MAF: variants seen among roughly 807,000 people sequenced by gnomAD.
The protein encoded by MAF is MAF bZIP transcription factor.
A neutral mutation model predicts 22.0 loss-of-function variants in MAF; 10 were observed. The ratio of observed to expected loss-of-function variants is 0.45; its 90% confidence interval spans 0.28 to 0.77. MAF has a LOEUF of 0.77. Among genes scored for constraint, MAF ranks in the 30% least tolerant of loss-of-function variants. The probability of loss-of-function intolerance (pLI) is 0.12; values close to 1 mark genes in which losing one functional copy is unlikely to be tolerated. For missense variants in MAF, 544 were observed against 548.4 expected, an observed-to-expected ratio of 0.99 and a Z score of 0.08; for synonymous variants, 337 against 255.8, an observed-to-expected ratio of 1.32 and a Z score of -3.03.
At chr16:79,384,682 G>A in the MAF span, among the ~76,000 whole-genome samples, 49 of 152,140 alleles carry the variant, frequency 3.2e-4, no homozygotes, top group African/African-American at 1.1e-3. Context: ...GCGTGAACCC[G>A]GGAGGCGGAG....
At chr16:79,273,191 C>A in the MAF span, among the ~76,000 whole-genome samples, 2 of 152,120 alleles carry the variant, frequency 1.3e-5, no homozygotes, top group Admixed American at 6.5e-5. Context: ...CTGCTTTCAA[C>A]CCCTAGGGAA....
chr16:79,421,252 T>G, the MAF span, among the ~76,000 whole-genome samples: 1 of 152,204 alleles, frequency 6.6e-6, no homozygotes, highest in Admixed American at 6.5e-5. Context: ...TATTCCCTTG[T>G]GGATAAGCGC....
the MAF span, among the ~76,000 whole-genome samples, chr16:79,496,154 A>G: frequency 6.6e-6 from 1 of 152,208 alleles, no homozygotes; most frequent in Admixed American, 6.5e-5. Flanking sequence ...CACTAAGTGT[A>G]GGAGTATTTG....
the MAF span, among the ~76,000 whole-genome samples, chr16:79,569,710 C>A: frequency 6.6e-6 from 1 of 151,536 alleles, no homozygotes; most frequent in African/African-American, 2.4e-5. Flanking sequence ...ATTATTGATG[C>A]CTGGGTACCA....
the MAF span, chr16:79,229,331 G>C: frequency 6.6e-6 from 1 of 151,558 alleles, no homozygotes; most frequent in African/African-American, 2.4e-5. Context: ...ATGGCCTTGT[G>C]GGCGCGAGGC....
At chr16:79,232,813 G>C in the MAF span, among the ~76,000 whole-genome samples, 1 of 149,182 alleles carries the variant, frequency 6.7e-6, no homozygotes, top group Admixed American at 6.7e-5. Flanking sequence ...AGCTGGAAAA[G>C]TGTTATTGTA....
the MAF span, among the ~76,000 whole-genome samples, chr16:79,376,672 C>G: frequency 2.0e-5 from 3 of 152,292 alleles, no homozygotes; most frequent in Non-Finnish European, 2.9e-5. Context: ...TGCTATCCCT[C>G]TCTCCTCCCC....
the MAF span, among the ~76,000 whole-genome samples, chr16:79,429,683 C>T: frequency 6.6e-6 from 1 of 152,032 alleles, no homozygotes; most frequent in Non-Finnish European, 1.5e-5. Context: ...CTCCCATGCA[C>T]CAGTGAACAG....
the MAF span, among the ~76,000 whole-genome samples, chr16:79,573,397 T>A: frequency 6.6e-6 from 1 of 152,232 alleles, no homozygotes; most frequent in Non-Finnish European, 1.5e-5. Context: ...AGCTTTTGTT[T>A]TTATGCATGG....
At chr16:79,523,039 A>G in the MAF span, among the ~76,000 whole-genome samples, 15,581 of 152,274 alleles carry the variant, frequency 0.1, 830 homozygotes, top group South Asian at 0.15. Context: ...TGATAATAGC[A>G]TAAGAGTCAT....
At chr16:79,411,458 A>C in the MAF span, among the ~76,000 whole-genome samples, 1 of 152,180 alleles carries the variant, frequency 6.6e-6, no homozygotes, top group Non-Finnish European at 1.5e-5. Context: ...AGGCCTCTGA[A>C]GCCTGCATGA....
chr16:79,331,319 G>A, the MAF span, among the ~76,000 whole-genome samples: 7 of 152,298 alleles, frequency 4.6e-5, no homozygotes, highest in East Asian at 1.2e-3. Flanking sequence ...ACGGGGTGGT[G>A]TTGGATGAAA....
At chr16:79,430,881 G>A in the MAF span, among the ~76,000 whole-genome samples, 2 of 152,210 alleles carry the variant, frequency 1.3e-5, no homozygotes, top group Admixed American at 1.3e-4. Flanking sequence ...TTTTAGGAAA[G>A]TAAATGACAC....
At chr16:79,240,637 C>G in the MAF span, among the ~76,000 whole-genome samples, 1 of 151,732 alleles carries the variant, frequency 6.6e-6, no homozygotes, top group Non-Finnish European at 1.5e-5. Flanking sequence ...CTTAAACGAC[C>G]TGGCCTGATG....
At chr16:79,598,538 G>C in intron 1 of MAF, 10 of 1,408,048 alleles carry the variant, frequency 7.1e-6, no homozygotes, top group Non-Finnish European at 9.3e-6. Flanking sequence ...TCCCTCCCCA[G>C]TTTAAAACAG....
chr16:79,211,833 T>A, the MAF span: 1 of 1,612,580 alleles, frequency 6.2e-7, no homozygotes, highest in Non-Finnish European at 8.5e-7. Flanking sequence ...ACACCCGCCC[T>A]GTGTGTGTCC....
chr16:79,238,788 G>C, the MAF span, among the ~76,000 whole-genome samples: 1 of 151,846 alleles, frequency 6.6e-6, no homozygotes, highest in African/African-American at 2.4e-5. Context: ...ATTTTTATTT[G>C]CTAAATCTGG....
chr16:79,443,434 CA>C, the MAF span, among the ~76,000 whole-genome samples: 1 of 152,150 alleles, frequency 6.6e-6, no homozygotes, highest in African/African-American at 2.4e-5. Context: ...GTTCTGGGGA[CA>C]GTCTGGTTGG....
the MAF span, among the ~76,000 whole-genome samples, chr16:79,560,987 A>AATGCT: frequency 1.3e-5 from 2 of 152,224 alleles, no homozygotes; most frequent in African/African-American, 4.8e-5. Context: ...AGGGGATTTC[A>AATGCT]TCCACTCTGC....
Sources: gnomAD v4.1 joint callset for allele counts (sites outside exome capture counted in the v4.1 genomes callset) on GRCh38, gnomAD v4.1.1 for gene constraint, MANE v1.5 for transcripts, NCBI Gene and HGNC (gene_info 2026-07-23, HGNC 2026-07-21) for gene names.